The following SPECC1 variants were observed in gnomAD, a reference collection of about 807,000 sequenced individuals.
The protein encoded by SPECC1 is sperm antigen with calponin homology and coiled-coil domains 1, also known as cytospin-B.
A neutral mutation model predicts 104.1 loss-of-function variants in SPECC1; 62 were observed. The ratio of observed to expected loss-of-function variants is 0.60; its 90% CI spans 0.49 to 0.74. SPECC1 has a LOEUF of 0.74. Ranked by LOEUF, SPECC1 falls within the 30% of genes least tolerant of loss-of-function variation. The pLI, the probability that SPECC1 is intolerant of heterozygous loss-of-function variation, is 0.00. For missense variants in SPECC1, 1,306 were observed against 1,310.5 expected, an observed-to-expected ratio of 1.00 and a Z score of 0.05; for synonymous variants, 513 against 501.6, an observed-to-expected ratio of 1.02 and a Z score of -0.30.
At chr17:20,175,986 T>TA (rs2034447918) in intron 3 of SPECC1, among the ~76,000 whole-genome samples, 1 of 152,266 alleles carries the variant, frequency 6.6e-6, no homozygotes, top group African/African-American at 2.4e-5. Flanking sequence ...AGGCCTGATT[T>TA]AAACTATATT....
At chr17:20,072,767 C>T (rs2046606877) in intron 1 of SPECC1, among the ~76,000 whole-genome samples, 1 of 152,218 alleles carries the variant, frequency 6.6e-6, no homozygotes, top group African/African-American at 2.4e-5. Flanking sequence ...GGCTGCCTTC[C>T]ACACCTATTA....
At chr17:20,280,384 A>G (rs973725333) in intron 12 of SPECC1, among the ~76,000 whole-genome samples, 1 of 152,226 alleles carries the variant, frequency 6.6e-6, no homozygotes, top group South Asian at 2.1e-4. Context: ...GTCACACCCT[A>G]GTAAGGGATA....
At chr17:20,179,625 C>G (rs1039283421) in intron 3 of SPECC1, among the ~76,000 whole-genome samples, 40 of 152,250 alleles carry the variant, frequency 2.6e-4, no homozygotes, top group African/African-American at 9.4e-4. Flanking sequence ...GTACTCTTGC[C>G]CAGATATAAT....
intron 1 of SPECC1, among the ~76,000 whole-genome samples, chr17:20,065,453 C>T (rs559271241): frequency 2.6e-5 from 4 of 152,196 alleles, no homozygotes; most frequent in Non-Finnish European, 5.9e-5. Context: ...CACTAACTTA[C>T]ATTGATCAGT....
intron 1 of SPECC1, among the ~76,000 whole-genome samples, chr17:20,027,510 C>A (rs2044642947): frequency 1.3e-5 from 2 of 152,058 alleles, no homozygotes; most frequent in Non-Finnish European, 2.9e-5. Context: ...GGACCAATGT[C>A]CTGAAGCGTT....
chr17:20,077,357 GCTTTT>G (rs1208335246), intron 1 of SPECC1, among the ~76,000 whole-genome samples: 17 of 151,972 alleles, frequency 1.1e-4, no homozygotes, highest in Non-Finnish European at 1.9e-4. Context: ...TATACCTCCA[GCTTTT>G]CTATTATATG....
At chr17:20,273,563 G>C (rs2040480084) in intron 12 of SPECC1, among the ~76,000 whole-genome samples, 1 of 152,016 alleles carries the variant, frequency 6.6e-6, no homozygotes, top group African/African-American at 2.4e-5. Context: ...CATCACTCAT[G>C]CCTCCACTGC....
At chr17:20,068,757 T>G (rs1249445091) in intron 1 of SPECC1, among the ~76,000 whole-genome samples, 1 of 152,240 alleles carries the variant, frequency 6.6e-6, no homozygotes, top group Non-Finnish European at 1.5e-5. Flanking sequence ...ATGTGGAGCT[T>G]CTTTTCACGT....
chr17:20,157,287 G>C (rs1156952222), intron 3 of SPECC1, among the ~76,000 whole-genome samples: 1 of 152,036 alleles, frequency 6.6e-6, no homozygotes, highest in Non-Finnish European at 1.5e-5. Context: ...CATTGGACTG[G>C]TACCACAGCC....
chr17:20,289,852 T>A (rs1454972425), intron 12 of SPECC1, among the ~76,000 whole-genome samples: 1 of 152,170 alleles, frequency 6.6e-6, no homozygotes, highest in African/African-American at 2.4e-5. Context: ...GCGAGTGTTA[T>A]GTCACAAACC....
At chr17:20,282,568 C>T (rs1158077005) in intron 12 of SPECC1, among the ~76,000 whole-genome samples, 1 of 152,136 alleles carries the variant, frequency 6.6e-6, no homozygotes, top group East Asian at 1.9e-4. Context: ...GAATAAGCAA[C>T]TAAGAAGAGC....
chr17:20,144,670 A>C (rs139056181), intron 3 of SPECC1, among the ~76,000 whole-genome samples: 3 of 152,034 alleles, frequency 2.0e-5, no homozygotes, highest in Non-Finnish European at 4.4e-5. Flanking sequence ...GGGTCTTGCT[A>C]TGTTGCTTAG....
At chr17:20,301,824 A>G (rs192072314) in intron 13 of SPECC1, among the ~76,000 whole-genome samples, 69 of 151,796 alleles carry the variant, frequency 4.5e-4, no homozygotes, top group African/African-American at 1.1e-3. Context: ...TCCTGCCTCA[A>G]CCTCTCGAGT....
At chr17:20,228,364 T>C (rs1196010362) in intron 5 of SPECC1, among the ~76,000 whole-genome samples, 2 of 152,174 alleles carry the variant, frequency 1.3e-5, no homozygotes, top group Non-Finnish European at 2.9e-5. Flanking sequence ...CAAATGTTTT[T>C]TGGCTGTGCT....
intron 2 of SPECC1, among the ~76,000 whole-genome samples, chr17:20,097,344 A>G (rs762965469): frequency 4.6e-5 from 7 of 152,236 alleles, no homozygotes; most frequent in Admixed American, 2.0e-4. Context: ...CTCACCGTGC[A>G]AAGCCTAGTG....
intron 12 of SPECC1, among the ~76,000 whole-genome samples, chr17:20,277,346 T>C (rs2040606649): frequency 6.6e-6 from 1 of 152,204 alleles, no homozygotes; most frequent in Non-Finnish European, 1.5e-5. Flanking sequence ...TAAGATGGCT[T>C]ACCAATTTGC....
chr17:20,162,088 C>T (rs941604134), intron 3 of SPECC1, among the ~76,000 whole-genome samples: 8 of 151,782 alleles, frequency 5.3e-5, no homozygotes, highest in Non-Finnish European at 8.8e-5. Flanking sequence ...AGCCACCGTG[C>T]CCTGCTCTCA....
chr17:20,126,311 A>G (rs2152542060), intron 3 of SPECC1: 1 of 140,878 alleles, frequency 7.1e-6, no homozygotes, highest in East Asian at 2.1e-4. Flanking sequence ...CTTTTTGTTG[A>G]GTTTATGCCT....
chr17:20,207,841 A>G (rs1194153051), intron 4 of SPECC1, among the ~76,000 whole-genome samples: 1 of 152,196 alleles, frequency 6.6e-6, no homozygotes, highest in Non-Finnish European at 1.5e-5. Flanking sequence ...ATTCCATTAC[A>G]AAGAATCAGT....
Sources: gnomAD v4.1 joint callset for allele counts (sites outside exome capture counted in the v4.1 genomes callset) on GRCh38, gnomAD v4.1.1 for gene constraint, MANE v1.5 for transcripts, NCBI Gene and HGNC (gene_info 2026-07-23, HGNC 2026-07-21) for gene names.